The following FGD1 variants were observed in gnomAD, a reference collection of about 807,000 sequenced individuals.
FGD1 encodes FYVE, RhoGEF and PH domain-containing protein 1.
In FGD1, 12 loss-of-function variants were observed where a neutral mutation model predicts 65.0. The ratio of observed to expected loss-of-function variants is 0.18; its 90% confidence interval spans 0.12 to 0.30. FGD1 has a LOEUF of 0.30. Among genes scored for constraint, FGD1 ranks in the 10% least tolerant of loss-of-function variants. FGD1 has a pLI of 1.00. For missense variants in FGD1, 542 were observed against 837.6 expected, an observed-to-expected ratio of 0.65 and a Z score of 4.36; for synonymous variants, 333 against 343.9, an observed-to-expected ratio of 0.97 and a Z score of 0.35.
intron 16 of FGD1, among the ~76,000 whole-genome samples, chrX:54,448,326 G>A (rs1016451362): frequency 9.1e-6 from 1 of 110,321 alleles, no homozygotes; most frequent in Non-Finnish European, 1.9e-5. Flanking sequence ...AGCTGGGATT[G>A]CAGGCGTGCG....
At chrX:54,474,412 C>T (rs1413290734) in intron 1 of FGD1, among the ~76,000 whole-genome samples, 3 of 112,941 alleles carry the variant, frequency 2.7e-5, no homozygotes, top group Non-Finnish European at 5.6e-5. Flanking sequence ...TGACCTCACC[C>T]CTGGCTACAT....
At chrX:54,486,555 A>C (rs1279781864) in intron 1 of FGD1, among the ~76,000 whole-genome samples, 1 of 109,037 alleles carries the variant, frequency 9.2e-6, no homozygotes, top group East Asian at 3.0e-4. Flanking sequence ...TGATTTCTGT[A>C]TTTTTAGTAG....
At chrX:54,467,424 C>T (rs1474281806) in intron 6 of FGD1, among the ~76,000 whole-genome samples, 2 of 106,419 alleles carry the variant, frequency 1.9e-5, no homozygotes, top group East Asian at 3.0e-4. Context: ...GGTGCAATTT[C>T]GGGTCACCAC....
At chrX:54,459,297 G>A (rs775797551) in intron 8 of FGD1, among the ~76,000 whole-genome samples, 2 of 111,745 alleles carry the variant, frequency 1.8e-5, no homozygotes, top group East Asian at 2.8e-4. Context: ...CTACCTGGGG[G>A]CTCAGTGTGG....
Position 54,470,267 on chromosome X carries a change from C to T in FGD1, c.850G>A (p.Gly284Ser). 2 of 1,205,527 alleles carry T rather than the reference C, an allele frequency of 1.7e-6. No individual in the cohort carries two copies. Among genetic ancestry groups the T allele is most frequent in the Non-Finnish European group, 2.2e-6 (2 of 892,342 alleles). Residue 284 changes from glycine to serine, a missense_variant, in exon 4 of 18, where the codon GGC becomes AGC. Gly to Ser is a moderately conservative substitution (Grantham distance 56). This residue lies in a region of FGD1 where 297 missense variants were observed against 326.8 expected (regional missense o/e 0.91). Transcript: ENST00000375135. ...DGEKVPNRDS[G>S]IDSISSPSNS... is the part of the protein sequence containing the mutation. ...GATGGCGAGCTGATGCTATCAATGC[C>T]GCTGTCCCGGTTGGGCACCTTCTCA...
Position 54,492,966 on chromosome X carries a change from T to G in FGD1, c.307+2160A>C, listed in dbSNP as rs150492402. 4.0e-3 allele frequency among the ~76,000 whole-genome samples: 435 copies of G among 109,560 alleles called. 3 individuals carry two copies. The highest frequency in any genetic ancestry group is 0.014 in the African/African-American group (419 of 30,115). On this transcript the variant is annotated intron_variant, in intron 1 of 17. Coordinates refer to ENST00000375135, the MANE Select transcript of FGD1 (RefSeq NM_004463.3). ...CTATGCAATTACAGAGGCAAGGACT[T>G]CGTTGGGGAAAAGGATCCTGGGAAC...
chrX:54,454,587 T>C (rs1238628643), intron 12 of FGD1, among the ~76,000 whole-genome samples: 1 of 103,012 alleles, frequency 9.7e-6, no homozygotes, highest in East Asian at 3.1e-4. Context: ...GAGGTGGAGG[T>C]TGCAGTGAGC....
chrX:54,490,249 G>A (rs1923384451), intron 1 of FGD1, among the ~76,000 whole-genome samples: 1 of 110,980 alleles, frequency 9.0e-6, no homozygotes, highest in African/African-American at 3.3e-5. Flanking sequence ...TTATTACCTG[G>A]GTGGTGAAAT....
intron 10 of FGD1, among the ~76,000 whole-genome samples, 185 bp from the exon 11 acceptor site, chrX:54,455,969 C>G (rs1321021236): frequency 8.9e-6 from 1 of 112,059 alleles, no homozygotes; most frequent in Admixed American, 9.5e-5. Context: ...TGGGGAACCT[C>G]GGGCAAGTCA....
chrX:54,462,672 G>A (rs1397725268), intron 8 of FGD1, among the ~76,000 whole-genome samples: 1 of 109,104 alleles, frequency 9.2e-6, no homozygotes, highest in East Asian at 2.9e-4. Flanking sequence ...GATTATAGGC[G>A]TGAGCCACCA....
intron 8 of FGD1, among the ~76,000 whole-genome samples, chrX:54,464,111 A>G (rs182381102): frequency 0.11 from 10,384 of 92,128 alleles, 694 homozygotes; most frequent in East Asian, 0.47. Flanking sequence ...ACAGGCACCC[A>G]CCACCACGCC....
intron 1 of FGD1, among the ~76,000 whole-genome samples, chrX:54,487,155 G>C (rs190955059): frequency 1.3e-4 from 14 of 109,584 alleles, no homozygotes; most frequent in Admixed American, 1.2e-3. Context: ...ACAGGTGTGA[G>C]CCACCGTGCC....
chrX:54,449,109 C>T (rs773430334), intron 15 of FGD1, 34 bp downstream of exon 15: 2 of 1,211,889 alleles, frequency 1.7e-6, no homozygotes, highest in Non-Finnish European at 2.2e-6. Flanking sequence ...ATTCTGTCCC[C>T]TCCCTAGCTC....
intron 1 of FGD1, among the ~76,000 whole-genome samples, chrX:54,487,098 C>A (rs1198799679): frequency 1.8e-5 from 2 of 108,347 alleles, no homozygotes; most frequent in African/African-American, 6.7e-5. Flanking sequence ...CTCTGCCTCC[C>A]GGGGTCAAGT....
intron 8 of FGD1, among the ~76,000 whole-genome samples, chrX:54,462,591 C>A (rs779127988): frequency 3.7e-5 from 4 of 107,523 alleles, no homozygotes; most frequent in Non-Finnish European, 7.7e-5. Flanking sequence ...GGGGTTTCAT[C>A]ATCTTGGCCA....
At position 54,446,099 on chromosome X, in the gene FGD1, C is replaced by T; in HGVS notation, c.*10G>A. On this transcript the variant is annotated 3_prime_UTR_variant, in exon 18 of 18. Transcript: ENST00000375135. ...TGTGGGGTGGGGGCTCCCAGTTTGT[C>T]CCAAACCCTCTAGGTCTTGTCTCGG... 1 of 1,199,999 alleles carries T rather than the reference C, an allele frequency of 8.3e-7. No homozygotes were observed. The highest frequency in any genetic ancestry group is 1.1e-6 in the Non-Finnish European group (1 of 889,491).
intron 12 of FGD1, among the ~76,000 whole-genome samples, chrX:54,450,996 C>T (rs1044016163): frequency 2.7e-5 from 3 of 110,083 alleles, no homozygotes; most frequent in African/African-American, 3.3e-5. Context: ...TTGCAGTGAG[C>T]GGAGATCGTC....
At chrX:54,472,472 G>T (rs575810019) in intron 1 of FGD1, among the ~76,000 whole-genome samples, 1 of 110,637 alleles carries the variant, frequency 9.0e-6, no homozygotes, top group African/African-American at 3.3e-5. Context: ...AAAAAGGGGA[G>T]GCCTTTTTAT....
chrX:54,481,157 A>T (rs1425079817), intron 1 of FGD1, among the ~76,000 whole-genome samples: 1 of 109,780 alleles, frequency 9.1e-6, no homozygotes, highest in Non-Finnish European at 1.9e-5. Flanking sequence ...TGCAGGTCCT[A>T]TCTCCCACTC....
Sources: allele counts gnomAD v4.1 joint callset (sites outside exome capture counted in the v4.1 genomes callset), GRCh38; gene constraint gnomAD v4.1.1; regional missense constraint gnomAD v4.1.1; transcripts MANE v1.5; gene names NCBI Gene and HGNC (gene_info 2026-07-23, HGNC 2026-07-21).